TENM1: variants seen among roughly 807,000 people sequenced by gnomAD.
TENM1 encodes teneurin transmembrane protein 1.
Under a neutral mutation model 174.8 loss-of-function variants are expected in TENM1, and 35 were observed. The ratio of observed to expected loss-of-function variants is 0.20; its 90% CI spans 0.15 to 0.27. TENM1 has a LOEUF of 0.27. Among genes scored for constraint, TENM1 ranks in the 10% least tolerant of loss-of-function variants. The pLI, the probability that TENM1 is intolerant of heterozygous loss-of-function variation, is 1.00. For missense variants in TENM1, 1,633 were observed against 2,130.1 expected, an observed-to-expected ratio of 0.77 and a Z score of 4.59; for synonymous variants, 781 against 798.7, an observed-to-expected ratio of 0.98 and a Z score of 0.37.
intron 15 of TENM1, 58 bp downstream of exon 18, chrX:124,546,816 G>T: frequency 1.1e-6 from 1 of 921,871 alleles, no homozygotes; most frequent in Non-Finnish European, 1.6e-6. Context: ...TCTTCCTTTC[G>T]TAGTTCAGGA....
intron 5 of TENM1, among the ~76,000 whole-genome samples, chrX:124,680,984 A>G (rs2052220297): frequency 9.0e-6 from 1 of 111,456 alleles, no homozygotes; most frequent in African/African-American, 3.2e-5. Context: ...ATACACAGCT[A>G]TCTCTTCCTC....
At chrX:124,914,489 T>G (rs1156757702) in intron 1 of TENM1, among the ~76,000 whole-genome samples, 1 of 111,814 alleles carries the variant, frequency 8.9e-6, no homozygotes, top group Non-Finnish European at 1.9e-5. Context: ...CCAGGTTGTA[T>G]ATCCAACTAT....
intron 11 of TENM1, among the ~76,000 whole-genome samples, chrX:124,623,736 T>A (rs893637676): frequency 1.8e-5 from 2 of 112,010 alleles, no homozygotes; most frequent in African/African-American, 6.5e-5. Context: ...TCCTTCCTCA[T>A]TGCCCTTTAA....
chrX:124,724,820 C>G (rs1049325897), intron 4 of TENM1, among the ~76,000 whole-genome samples: 1 of 111,180 alleles, frequency 9.0e-6, no homozygotes, highest in Non-Finnish European at 1.9e-5. Context: ...ATGTTGAAAT[C>G]GAATCCCCAA....
At chrX:125,073,061 C>T in the TENM1 span, among the ~76,000 whole-genome samples, 1 of 111,194 alleles carries the variant, frequency 9.0e-6, no homozygotes, top group African/African-American at 3.3e-5. Context: ...CCTTTTGCAT[C>T]ACATTGAGGC....
intron 29 of TENM1, 149 bp from the exon 33 acceptor site, chrX:124,385,003 A>G (rs1017759376): frequency 8.8e-6 from 4 of 456,955 alleles, no homozygotes; most frequent in African/African-American, 2.4e-5. Flanking sequence ...GCCTGGGCAT[A>G]TTACCTCATG....
the TENM1 span, among the ~76,000 whole-genome samples, chrX:125,080,419 C>T: frequency 9.0e-6 from 1 of 110,844 alleles, no homozygotes; most frequent in African/African-American, 3.3e-5. Flanking sequence ...TGTGGAGATT[C>T]TCAACCTTTG....
At chrX:125,014,610 G>GA in the TENM1 span, among the ~76,000 whole-genome samples, 1 of 110,347 alleles carries the variant, frequency 9.1e-6, no homozygotes. Flanking sequence ...CACTGATTTA[G>GA]AAAAAAAATA....
intron 3 of TENM1, among the ~76,000 whole-genome samples, chrX:124,824,121 C>T (rs2056102547): frequency 9.0e-6 from 1 of 111,319 alleles, no homozygotes; most frequent in Admixed American, 9.6e-5. Context: ...TTACATTTAA[C>T]TGCACAAAAT....
intron 14 of TENM1, among the ~76,000 whole-genome samples, chrX:124,553,902 T>G (rs1382742169): frequency 9.0e-6 from 1 of 111,458 alleles, no homozygotes; most frequent in Admixed American, 9.5e-5. Flanking sequence ...GTCAGGAGTT[T>G]GAGACAAGCC....
chrX:125,193,132 C>G, the TENM1 span, among the ~76,000 whole-genome samples: 1 of 110,254 alleles, frequency 9.1e-6, no homozygotes, highest in African/African-American at 3.3e-5. Flanking sequence ...TTCTAACTTC[C>G]TCTCTCTTGA....
At chrX:124,666,510 A>G (rs1000417985) in intron 6 of TENM1, among the ~76,000 whole-genome samples, 4 of 111,699 alleles carry the variant, frequency 3.6e-5, no homozygotes, top group Non-Finnish European at 5.6e-5. Context: ...AACAATGACA[A>G]CAAACAAACA....
intron 1 of TENM1, among the ~76,000 whole-genome samples, chrX:124,906,296 TGTG>T (rs2057747264): frequency 4.5e-5 from 5 of 112,076 alleles, no homozygotes; most frequent in Admixed American, 3.8e-4. Context: ...TTCTGCTGAA[TGTG>T]TATTGCTTTT....
At chrX:124,749,313 C>T (rs2054008560) in intron 3 of TENM1, among the ~76,000 whole-genome samples, 1 of 111,653 alleles carries the variant, frequency 9.0e-6, no homozygotes. Flanking sequence ...GCATTTTCCT[C>T]TATACTAAAA....
intron 25 of TENM1, among the ~76,000 whole-genome samples, chrX:124,412,264 A>T (rs969658357): frequency 8.8e-6 from 1 of 113,134 alleles, no homozygotes; most frequent in East Asian, 2.8e-4. Flanking sequence ...GTGCATGTGC[A>T]CACATGTGCA....
At chrX:124,713,585 C>G (rs1482088658) in intron 4 of TENM1, among the ~76,000 whole-genome samples, 1 of 112,323 alleles carries the variant, frequency 8.9e-6, no homozygotes, top group South Asian at 3.7e-4. Context: ...CCTTTTTAAA[C>G]CTTTCAGTGG....
At chrX:124,802,312 T>A (rs1485162019) in intron 3 of TENM1, among the ~76,000 whole-genome samples, 1 of 111,891 alleles carries the variant, frequency 8.9e-6, no homozygotes, top group Non-Finnish European at 1.9e-5. Flanking sequence ...CTTTTTTTGG[T>A]GCTCTTGTTG....
chrX:124,998,362 A>T, the TENM1 span, among the ~76,000 whole-genome samples: 6 of 110,287 alleles, frequency 5.4e-5, no homozygotes, highest in African/African-American at 1.6e-4. Flanking sequence ...TCAAAAACAG[A>T]TGAAGATAAT....
chrX:125,002,193 A>C, the TENM1 span, among the ~76,000 whole-genome samples: 3 of 111,452 alleles, frequency 2.7e-5, no homozygotes, highest in African/African-American at 9.8e-5. Context: ...TATGTTGTTA[A>C]AATGTTTGTT....
Sources: gnomAD v4.1 joint callset for allele counts (sites outside exome capture counted in the v4.1 genomes callset) on GRCh38, gnomAD v4.1.1 for gene constraint, MANE v1.5 for transcripts, NCBI Gene and HGNC (gene_info 2026-07-23, HGNC 2026-07-21) for gene names.